Variants in TSG101 observed in about 807,000 individuals in gnomAD.
TSG101 encodes the protein tumor susceptibility 101.
Under a neutral mutation model 48.5 loss-of-function variants are expected in TSG101, and 19 were observed. The observed-to-expected ratio is 0.39, with a 90% CI of 0.27 to 0.58. TSG101 has a LOEUF of 0.58. TSG101 is among the 20% of genes least tolerant of loss of function. The pLI, the probability that TSG101 is intolerant of heterozygous loss-of-function variation, is 0.55. For synonymous variants in TSG101, 174 were observed against 169.4 expected, an observed-to-expected ratio of 1.03 and a Z score of -0.21; for missense variants, 365 against 484.4, an observed-to-expected ratio of 0.75 and a Z score of 2.31.
chr11:18,516,272 T>C (rs1850171184), intron 2 of TSG101, 108 bp from the exon 3 acceptor site: 6 of 907,912 alleles, frequency 6.6e-6, no homozygotes, highest in Non-Finnish European at 8.6e-6. Context: ...TGAAAGGGGC[T>C]GACCTGTCAA....
chr11:18,484,387 T>C (rs1849589713), intron 7 of TSG101, among the ~76,000 whole-genome samples: 1 of 152,188 alleles, frequency 6.6e-6, no homozygotes, highest in Non-Finnish European at 1.5e-5. Context: ...TATTCCTAAA[T>C]AACCAACAAA....
chr11:18,480,765 A>T (rs1293191725), intron 9 of TSG101, 130 bp from the exon 10 acceptor site: 1 of 705,170 alleles, frequency 1.4e-6, no homozygotes, highest in African/African-American at 1.8e-5. Context: ...TGGAATGAAT[A>T]CCTCATTATA....
chr11:18,526,695 G>T lies in TSG101; in HGVS notation c.42+80C>A, dbSNP rs1187423618. The T allele has an allele frequency of 2.8e-5, 43 of 1,526,006 alleles. No individual in the cohort carries two copies. The Admixed American group carries it at 8.1e-4, about 29-fold the overall frequency. 94.5% of individuals were successfully genotyped at this position (1,526,006 alleles called of 1,614,324 possible). ...TCCGGCCCGTCTGGGAAGCTTGCTT[G>T]GCTGGGCCGGGACGGACTCGACAGG... On this transcript the variant is annotated intron_variant, in intron 1 of 9. Transcript: ENST00000251968.
intron 4 of TSG101, among the ~76,000 whole-genome samples, chr11:18,513,699 G>C (rs551589816): frequency 4.2e-4 from 64 of 152,300 alleles, no homozygotes; most frequent in African/African-American, 1.5e-3. Context: ...AGCCCTCTGA[G>C]ACTGCTAGAG....
intron 7 of TSG101, among the ~76,000 whole-genome samples, chr11:18,492,426 C>G (rs1849711780): frequency 6.6e-6 from 1 of 152,184 alleles, no homozygotes; most frequent in East Asian, 1.9e-4. Flanking sequence ...GCTATTATAT[C>G]TGGTCTAATG....
intron 5 of TSG101, among the ~76,000 whole-genome samples, chr11:18,507,187 C>T (rs562167439): frequency 6.6e-6 from 1 of 152,332 alleles, no homozygotes; most frequent in Non-Finnish European, 1.5e-5. Context: ...CTCAAGAAGT[C>T]TATTACCTAA....
Position 18,509,390 on chromosome 11 carries a change from T to G in TSG101, c.481+152A>C. Reference sequence around the variant, plus strand: ...CCAGTCTTTGGTGGGAATCTGTACATGCAGATGTGGGGCCTCAGAATACTT... The same window carrying G: ...CCAGTCTTTGGTGGGAATCTGTACAGGCAGATGTGGGGCCTCAGAATACTT... On this transcript the variant is annotated intron_variant, in intron 5 of 9. Coordinates refer to ENST00000251968, the MANE Select transcript of TSG101 (RefSeq NM_006292.4). The G allele has an allele frequency of 8.7e-6, 9 of 1,029,462 alleles. No homozygotes were observed. In the South Asian group the frequency reaches 1.8e-4, roughly 21 times the overall value. The allele number at this position is 1,029,462 out of a possible 1,614,324, so 63.8% of individuals were successfully genotyped here.
intron 4 of TSG101, among the ~76,000 whole-genome samples, chr11:18,510,476 G>A (rs1026656876): frequency 6.6e-6 from 1 of 152,132 alleles, no homozygotes; most frequent in Non-Finnish European, 1.5e-5. Flanking sequence ...TTGCTAGATT[G>A]TAGTACAAAG....
intron 7 of TSG101, among the ~76,000 whole-genome samples, chr11:18,487,066 CAAT>C (rs1340105029): frequency 7.2e-6 from 1 of 139,580 alleles, no homozygotes; most frequent in Non-Finnish European, 1.5e-5. Context: ...GGGAACTGAA[CAAT>C]GAGAACACAT....
At chr11:18,522,582 C>G (rs919683595) in intron 1 of TSG101, among the ~76,000 whole-genome samples, 1 of 152,220 alleles carries the variant, frequency 6.6e-6, no homozygotes, top group Non-Finnish European at 1.5e-5. Flanking sequence ...CTGCCTCCAT[C>G]GTTAACCCCC....
chr11:18,495,292 G>T (rs1849757303), intron 7 of TSG101, among the ~76,000 whole-genome samples: 1 of 152,168 alleles, frequency 6.6e-6, no homozygotes, highest in African/African-American at 2.4e-5. Context: ...TTATTAAACT[G>T]CAACTACTGA....
chr11:18,503,370 A>ATTTT (rs397848238), intron 6 of TSG101, among the ~76,000 whole-genome samples: 14 of 130,824 alleles, frequency 1.1e-4, no homozygotes, highest in African/African-American at 2.3e-4. Context: ...TTCAGGTTAA[A>ATTTT]TTTTTTTTTT....
At position 18,506,694 on chromosome 11, in the gene TSG101, A is replaced by AAAAT. The variant is rs1372822106; in HGVS notation, c.548+159_548+162dup. Among the ~76,000 whole-genome samples, 47 of 152,048 alleles carry AAAAT rather than the reference A, an allele frequency of 3.1e-4. 1 individual carries two copies. Among genetic ancestry groups the AAAAT allele is most frequent in the Admixed American group, 2.7e-3 (41 of 15,256 alleles). On this transcript the variant is annotated intron_variant, in intron 6 of 9. Coordinates refer to ENST00000251968, the MANE Select transcript of TSG101 (RefSeq NM_006292.4). ...GACAGAGCAAGACTCCATCTCAAAA[A>AAAAT]AAATAAATAAATAAATAAATAAATT...
At chr11:18,523,453 CT>C (rs1191613925) in intron 1 of TSG101, among the ~76,000 whole-genome samples, 2 of 152,086 alleles carry the variant, frequency 1.3e-5, no homozygotes, top group African/African-American at 4.8e-5. Context: ...TGTTGCATCC[CT>C]AGAACCTAAA....
chr11:18,501,205 G>A (rs543078305), intron 7 of TSG101, among the ~76,000 whole-genome samples: 12 of 152,268 alleles, frequency 7.9e-5, no homozygotes, highest in African/African-American at 2.6e-4. Context: ...CCAATGTCCC[G>A]AAGGGTTTCC....
At chr11:18,526,529 T>C (rs1224463344) in intron 1 of TSG101, among the ~76,000 whole-genome samples, 1 of 152,186 alleles carries the variant, frequency 6.6e-6, no homozygotes, top group Non-Finnish European at 1.5e-5. Context: ...GGGCGGCAGG[T>C]GTCAGGTAGC....
chr11:18,485,156 T>C (rs563490529), intron 7 of TSG101, among the ~76,000 whole-genome samples: 1 of 152,208 alleles, frequency 6.6e-6, no homozygotes, highest in East Asian at 1.9e-4. Flanking sequence ...ACCAAAACCA[T>C]CAACAAACTC....
chr11:18,495,192 T>C (rs894942314), intron 7 of TSG101, among the ~76,000 whole-genome samples: 2 of 152,222 alleles, frequency 1.3e-5, no homozygotes, highest in Non-Finnish European at 2.9e-5. Flanking sequence ...GAGGTTGAAA[T>C]ATACAGTATT....
rs1212442416 is a variant in TSG101 at position 18,502,596 on chromosome 11, A to T, written c.549-19T>A. On this transcript the variant is annotated intron_variant, in intron 6 of 9. Transcript: ENST00000251968. ...GTAACCACTAAAGACAAGAACAAAA[A>T]ACATTTAACATTTAAGATGACCCAA... 6.3e-7 allele frequency: 1 copy of T among 1,576,580 alleles called. No homozygotes were observed. Among genetic ancestry groups the T allele is most frequent in the South Asian group, 1.1e-5 (1 of 88,146 alleles).
Sources: allele counts gnomAD v4.1 joint callset (sites outside exome capture counted in the v4.1 genomes callset), GRCh38; gene constraint gnomAD v4.1.1; transcripts MANE v1.5; gene names NCBI Gene and HGNC (gene_info 2026-07-23, HGNC 2026-07-21).